Variants in BOP1 observed in about 807,000 individuals in gnomAD.
The protein encoded by BOP1 is BOP1 ribosomal biogenesis factor.
Under a neutral mutation model 82.9 loss-of-function variants are expected in BOP1, and 54 were observed. The observed-to-expected ratio is 0.65, with a 90% CI of 0.52 to 0.82. BOP1 has a LOEUF of 0.82. Ranked by LOEUF, BOP1 falls within the 40% of genes least tolerant of loss-of-function variation. The probability of loss-of-function intolerance (pLI) is 0.00; values close to 1 mark genes in which losing one functional copy is unlikely to be tolerated. For synonymous variants in BOP1, 566 were observed against 451.1 expected (o/e 1.25, Z -3.23); for missense variants, 1,170 against 1,072.0 (o/e 1.09, Z -1.28).
chr8:144,263,813 C>T lies in BOP1; in HGVS notation c.1221+18G>A. 8.1e-6 allele frequency: 13 copies of T among 1,609,988 alleles called. No homozygotes were observed. In the South Asian group the frequency reaches 1.3e-4, roughly 16 times the overall value. ...CAGACTGGGAGGGTGCAACCCCAGC[C>T]CCCTAGTCTCCACTTACCAGGGCCT... On this transcript the variant is annotated intron_variant, in intron 9 of 15. Coordinates refer to ENST00000569669, the MANE Select transcript of BOP1 (RefSeq NM_015201.5).
chr8:144,267,320 G>A (rs1475207994), intron 3 of BOP1: 2 of 1,055,428 alleles, frequency 1.9e-6, no homozygotes, highest in African/African-American at 1.7e-5. Context: ...CAGGCCTGCC[G>A]GGGGCTGGGG....
chr8:144,267,893 G>A (rs2130214570), intron 3 of BOP1, among the ~76,000 whole-genome samples: 1 of 152,374 alleles, frequency 6.6e-6, no homozygotes, highest in Admixed American at 6.5e-5. Context: ...GCGAGCTCCT[G>A]GGGCCTGAAC....
chr8:144,274,323 G>A (rs889080390), intron 3 of BOP1, among the ~76,000 whole-genome samples: 8 of 152,152 alleles, frequency 5.3e-5, no homozygotes, highest in Admixed American at 4.6e-4. Flanking sequence ...CTGGTGCCAC[G>A]GCCACCTCCA....
intron 3 of BOP1, chr8:144,265,527 C>G: frequency 5.2e-6 from 1 of 190,828 alleles, no homozygotes. Context: ...TGGGGGACCC[C>G]CCACCGTCTG....
chr8:144,289,987 G>T (rs1814992368), intron 1 of BOP1, among the ~76,000 whole-genome samples: 1 of 152,226 alleles, frequency 6.6e-6, no homozygotes, highest in Non-Finnish European at 1.5e-5. Flanking sequence ...GAGCCCTGCT[G>T]GCTGCGTGAC....
rs1229183644 is a variant in BOP1, at chr8:144,264,061, G to A, written c.1060C>T (p.Pro354Ser). The A allele has an allele frequency of 9.3e-6, 15 of 1,609,802 alleles. No homozygotes were observed. Among genetic ancestry groups the A allele is most frequent in the African/African-American group, 5.3e-5 (4 of 74,914 alleles). ...TCCTGGATGAAGCGTCCGTAGGCAG[G>A]CACGGCCCGCAGGCTCGGGAACTTG... is the stretch of plus-strand genomic sequence containing the variant. ...PRKFPSLRAV[P>S]AYGRFIQERF... The change falls in exon 8 of 16, where the codon CCT (proline) becomes TCT (serine). Residue 354 changes from proline (P) to serine (S), a missense_variant. Coordinates refer to ENST00000569669, the MANE Select transcript of BOP1 (RefSeq NM_015201.5).
intron 3 of BOP1, chr8:144,266,096 G>A (rs1379112035): frequency 1.3e-5 from 2 of 152,590 alleles, no homozygotes; most frequent in Non-Finnish European, 1.5e-5. Flanking sequence ...GGGAGGCAAA[G>A]ACAGACAGGG....
chr8:144,275,230 G>A (rs1287009332), intron 3 of BOP1, among the ~76,000 whole-genome samples: 1 of 152,122 alleles, frequency 6.6e-6, no homozygotes, highest in African/African-American at 2.4e-5. Flanking sequence ...AGCCCCCAGG[G>A]CCCAAAGGAG....
intron 2 of BOP1, among the ~76,000 whole-genome samples, chr8:144,280,018 G>A (rs1305694692): frequency 6.6e-6 from 1 of 152,216 alleles, no homozygotes; most frequent in Non-Finnish European, 1.5e-5. Context: ...CGGCCCCTCA[G>A]CATGACACTG....
chr8:144,268,077 C>T, intron 3 of BOP1: 10 of 1,549,848 alleles, frequency 6.5e-6, no homozygotes, highest in Non-Finnish European at 8.7e-6. Context: ...TCTGCCGGGG[C>T]CTGACACTCC....
In BOP1 at chr8:144,264,814, G is replaced by A. The variant is rs956063214; in HGVS notation, c.563C>T (p.Pro188Leu). The A allele has an allele frequency of 6.7e-3, 10,710 of 1,609,372 alleles. 52 individuals are homozygous for A. The highest frequency in any genetic ancestry group is 7.8e-3 in the Non-Finnish European group (9,147 of 1,179,162). ...CAGTCTCAGGTCCCGCCCTGTCATC[G>A]GGTCCTGCACGGTGCGCCTGGAGAC... Reference protein sequence around the residue: ...DPDYWRTVQDPMTGRDLRLTD... With the variant: ...DPDYWRTVQDLMTGRDLRLTD... Residue 188 changes from proline (P) to leucine (L), a missense_variant, in exon 5 of 16, where the codon CCG becomes CTG. Coordinates refer to ENST00000569669, the MANE Select transcript of BOP1 (RefSeq NM_015201.5).
chr8:144,283,354 C>T (rs1326258508), intron 2 of BOP1, among the ~76,000 whole-genome samples: 1 of 152,228 alleles, frequency 6.6e-6, no homozygotes, highest in Non-Finnish European at 1.5e-5. Flanking sequence ...GCTAGCTGTC[C>T]TGCCCTTGGG....
intron 2 of BOP1, among the ~76,000 whole-genome samples, chr8:144,278,897 C>G (rs1394367304): frequency 6.6e-6 from 1 of 152,242 alleles, no homozygotes; most frequent in Non-Finnish European, 1.5e-5. Context: ...AGTACATCAG[C>G]AGGAACTGAA....
At chr8:144,276,415 G>A (rs925395177) in intron 2 of BOP1, 111 bp from the exon 3 acceptor site, 9 of 1,240,424 alleles carry the variant, frequency 7.3e-6, no homozygotes, top group Non-Finnish European at 9.1e-6. Flanking sequence ...CTCCAGCCTG[G>A]CACAGGCCTC....
chr8:144,281,047 G>A (rs1269149581), intron 2 of BOP1, among the ~76,000 whole-genome samples: 2 of 150,260 alleles, frequency 1.3e-5, no homozygotes. Flanking sequence ...CCAGGTCTTA[G>A]GCCTTCTCTC....
chr8:144,281,032 TAATA>T (rs1845664894), intron 2 of BOP1, among the ~76,000 whole-genome samples: 2 of 143,042 alleles, frequency 1.4e-5, no homozygotes, highest in Admixed American at 7.1e-5. Flanking sequence ...TCTCTCACTT[TAATA>T]CCAGGTCTTA....
chr8:144,265,144 C>A, intron 3 of BOP1, 73 bp from the exon 4 acceptor site: 2 of 1,551,812 alleles, frequency 1.3e-6, no homozygotes, highest in South Asian at 1.2e-5. Flanking sequence ...CCCAGGGGAG[C>A]AGGTGAGGGG....
rs374227596 is a variant in BOP1, at chr8:144,278,220, G to A, written c.310-1916C>T. Among the ~76,000 whole-genome samples, 6 of 152,256 alleles carry A rather than the reference G, an allele frequency of 3.9e-5. No homozygotes were observed. The South Asian group carries it at 6.2e-4, about 16-fold the overall frequency. ...AGGACCGACGGGTGGGCAGGGAGCC[G>A]CCGAGGGGGAGCGCAAGGACGAGGT... On this transcript the variant is annotated intron_variant, in intron 2 of 15. Coordinates refer to ENST00000569669, the MANE Select transcript of BOP1 (RefSeq NM_015201.5).
intron 3 of BOP1, chr8:144,266,675 C>A: frequency 8.0e-7 from 1 of 1,254,902 alleles, no homozygotes; most frequent in Non-Finnish European, 1.0e-6. Context: ...GAGGTGAGCC[C>A]GCTGTCGGAG....
Sources: gnomAD v4.1 joint callset for allele counts (sites outside exome capture counted in the v4.1 genomes callset) on GRCh38, gnomAD v4.1.1 for gene constraint, MANE v1.5 for transcripts, NCBI Gene and HGNC (gene_info 2026-07-23, HGNC 2026-07-21) for gene names.